The following GRIA1 variants were observed in gnomAD, a reference collection of about 807,000 sequenced individuals.
GRIA1 encodes glutamate ionotropic receptor AMPA type subunit 1, also known as glutamate receptor 1.
GRIA1 carries 31 observed loss-of-function variants against 99.2 expected under a neutral mutation model. That is an observed-to-expected ratio of 0.31 (90% CI 0.23 to 0.42). GRIA1 has a LOEUF of 0.42. Ranked by LOEUF, GRIA1 falls within the 10% of genes least tolerant of loss-of-function variation. GRIA1 has a pLI of 1.00. For missense variants in GRIA1, 782 were observed against 1,157.5 expected (o/e 0.68, Z 4.71); for synonymous variants, 438 against 432.4 (o/e 1.01, Z -0.16).
At chr5:153,747,093 C>A (rs1395916186) in intron 11 of GRIA1, among the ~76,000 whole-genome samples, 1 of 152,194 alleles carries the variant, frequency 6.6e-6, no homozygotes, top group Non-Finnish European at 1.5e-5. Flanking sequence ...TATAAAGGAA[C>A]AACTGAGGCT....
At chr5:153,650,271 G>A (rs1426986511) in intron 3 of GRIA1, 59 bp from the exon 4 acceptor site, 9 of 1,484,704 alleles carry the variant, frequency 6.1e-6, no homozygotes, top group Admixed American at 1.8e-5. Flanking sequence ...TGATGGGAGT[G>A]GGTGGTGCCC....
chr5:153,686,296 C>G lies in GRIA1; in HGVS notation c.1101C>G (p.His367Gln). The change falls in exon 8 of 16, where the codon CAC becomes CAG. Residue 367 changes from histidine (H) to glutamine (Q), a missense_variant. Physicochemically the swap from His to Gln is conservative, Grantham distance 24. Transcript: ENST00000285900. ...GACGCCGGACCAACTACACGCTCCACGTGATTGAAATGAAACATGACGGCA... is the reference window on the plus strand; with the variant it reads ...GACGCCGGACCAACTACACGCTCCAGGTGATTGAAATGAAACATGACGGCA... ...EKGRRTNYTLHVIEMKHDGIR... is the reference protein window; with the variant it reads ...EKGRRTNYTLQVIEMKHDGIR... 1.2e-6 allele frequency: 2 copies of G among 1,613,838 alleles called. No homozygotes were observed. Among genetic ancestry groups the G allele is most frequent in the African/African-American group, 1.3e-5 (1 of 75,052 alleles).
At chr5:153,555,039 C>T (rs927364253) in intron 2 of GRIA1, among the ~76,000 whole-genome samples, 1 of 152,108 alleles carries the variant, frequency 6.6e-6, no homozygotes, top group Non-Finnish European at 1.5e-5. Flanking sequence ...GCTACCAGGA[C>T]ATGCAGCTTG....
chr5:153,699,178 G>A (rs754071480), intron 10 of GRIA1, 105 bp downstream of exon 10: 4 of 760,226 alleles, frequency 5.3e-6, no homozygotes, highest in East Asian at 2.7e-5. Flanking sequence ...ATGAAACCCT[G>A]TAATTGAGTG....
chr5:153,604,688 G>A (rs772805187), intron 2 of GRIA1, among the ~76,000 whole-genome samples: 21 of 152,080 alleles, frequency 1.4e-4, no homozygotes, highest in Non-Finnish European at 2.5e-4. Context: ...ATTTCTAAAT[G>A]TTAGAGTTTA....
At chr5:153,590,506 ATGTGTGTGTGTGTGTGTGTGTGTGTGTG>A (rs5872325) in intron 2 of GRIA1, among the ~76,000 whole-genome samples, 6 of 147,950 alleles carry the variant, frequency 4.1e-5, no homozygotes, top group Non-Finnish European at 7.5e-5. Flanking sequence ...AGCTATTGAA[ATGTGTGTGTGTGTGTGTGTGTGTGTGTG>A]TGTGTGTGTG....
chr5:153,504,323 A>G (rs1189469531), intron 2 of GRIA1, among the ~76,000 whole-genome samples: 2 of 150,594 alleles, frequency 1.3e-5, no homozygotes, highest in East Asian at 1.9e-4. Flanking sequence ...AAATAGATAT[A>G]TATATATATT....
chr5:153,587,808 A>G (rs1441588949), intron 2 of GRIA1, among the ~76,000 whole-genome samples: 1 of 152,172 alleles, frequency 6.6e-6, no homozygotes. Flanking sequence ...CACAGATCCT[A>G]TTTCCAGGGG....
At chr5:153,532,681 C>G (rs1394022311) in intron 2 of GRIA1, among the ~76,000 whole-genome samples, 1 of 152,112 alleles carries the variant, frequency 6.6e-6, no homozygotes, top group Non-Finnish European at 1.5e-5. Context: ...GTCACCCTAG[C>G]CCCTGTGGGC....
At chr5:153,659,739 C>A (rs2910267) in intron 5 of GRIA1, among the ~76,000 whole-genome samples, 1 of 151,904 alleles carries the variant, frequency 6.6e-6, no homozygotes, top group Non-Finnish European at 1.5e-5. Context: ...GATTGTTATA[C>A]TGGTATTTAG....
chr5:153,678,135 C>A (rs1756723186), intron 7 of GRIA1, among the ~76,000 whole-genome samples: 1 of 152,204 alleles, frequency 6.6e-6, no homozygotes, highest in African/African-American at 2.4e-5. Context: ...TGCCTAAGAC[C>A]AGCTTTACTT....
At chr5:153,802,235 T>C in intron 14 of GRIA1, 121 bp from the exon 15 acceptor site, 1 of 759,540 alleles carries the variant, frequency 1.3e-6, no homozygotes. Context: ...CTATTGCAAA[T>C]GTTAAAGAGG....
intron 2 of GRIA1, among the ~76,000 whole-genome samples, chr5:153,499,054 G>C (rs1185376520): frequency 6.6e-6 from 1 of 152,112 alleles, no homozygotes; most frequent in Non-Finnish European, 1.5e-5. Flanking sequence ...AAAAAAATTA[G>C]TGTGTATACA....
chr5:153,505,968 C>T (rs1211286111), intron 2 of GRIA1, among the ~76,000 whole-genome samples: 4 of 152,098 alleles, frequency 2.6e-5, no homozygotes, highest in African/African-American at 9.7e-5. Flanking sequence ...AGTAAATTCC[C>T]CTGTGGAATG....
intron 11 of GRIA1, among the ~76,000 whole-genome samples, chr5:153,751,803 A>G (rs1336257032): frequency 6.6e-6 from 1 of 152,228 alleles, no homozygotes; most frequent in Non-Finnish European, 1.5e-5. Context: ...GCCCTAAACG[A>G]TACATACACT....
chr5:153,629,338 G>T (rs749341402), intron 2 of GRIA1, among the ~76,000 whole-genome samples: 1 of 152,170 alleles, frequency 6.6e-6, no homozygotes, highest in South Asian at 2.1e-4. Flanking sequence ...ACAGCTTGCA[G>T]CCCAGTTGAC....
intron 2 of GRIA1, among the ~76,000 whole-genome samples, chr5:153,607,068 T>TATATATATATATATATATATA (rs1491415058): frequency 7.1e-6 from 1 of 140,404 alleles, no homozygotes; most frequent in Non-Finnish European, 1.6e-5. Flanking sequence ...TATATATATA[T>TATATATATATATATATATATA]AATCACAGTT....
At chr5:153,700,105 C>A (rs1758408134) in intron 10 of GRIA1, among the ~76,000 whole-genome samples, 1 of 152,190 alleles carries the variant, frequency 6.6e-6, no homozygotes, top group Admixed American at 6.5e-5. Context: ...GACCGAGAGG[C>A]CGGGCACAGT....
In GRIA1 at chr5:153,803,193, A is replaced by G. The variant is rs1383020962; in HGVS notation, c.2520+703A>G. On this transcript the variant is annotated intron_variant, in intron 15 of 15. Coordinates refer to ENST00000285900, the MANE Select transcript of GRIA1 (RefSeq NM_000827.4). ...CACGATACACTAAATTTACTTTTCT[A>G]AAAGAGCTATCTAAAGAAAGGCTAG... 2.0e-5 allele frequency among the ~76,000 whole-genome samples: 3 copies of G among 152,248 alleles called. No homozygotes were observed. In the East Asian group the frequency reaches 5.8e-4, roughly 29 times the overall value.
Sources: gnomAD v4.1 joint callset for allele counts (sites outside exome capture counted in the v4.1 genomes callset) on GRCh38, gnomAD v4.1.1 for gene constraint, MANE v1.5 for transcripts, NCBI Gene and HGNC (gene_info 2026-07-23, HGNC 2026-07-21) for gene names.